The following LRRC69 variants were observed in gnomAD, a reference collection of about 807,000 sequenced individuals.
The protein encoded by LRRC69 is leucine rich repeat containing 69.
A neutral mutation model predicts 37.8 loss-of-function variants in LRRC69; 42 were observed. That is an observed-to-expected ratio of 1.11 (90% CI 0.87 to 1.44). The LOEUF (loss-of-function observed/expected upper bound fraction) is 1.44, where lower values mean the gene tolerates loss of function less well. Among genes scored for constraint, LRRC69 ranks in the 40% most tolerant of loss-of-function variants. The pLI, the probability that LRRC69 is intolerant of heterozygous loss-of-function variation, is 0.00. For missense variants in LRRC69, 357 were observed against 401.9 expected (o/e 0.89, Z 0.96); for synonymous variants, 141 against 143.1 (o/e 0.99, Z 0.11).
chr8:91,216,503 G>C (rs146745668), intron 7 of LRRC69, among the ~76,000 whole-genome samples: 1 of 152,124 alleles, frequency 6.6e-6, no homozygotes, highest in East Asian at 1.9e-4. Flanking sequence ...TCTATTAATT[G>C]TTCAGGTTTC....
intron 5 of LRRC69, among the ~76,000 whole-genome samples, chr8:91,152,532 C>T (rs1209565916): frequency 6.6e-6 from 1 of 151,484 alleles, no homozygotes; most frequent in Non-Finnish European, 1.5e-5. Flanking sequence ...TTACTGTAGC[C>T]TTGTAGTATA....
chr8:91,218,560 C>A (rs752680554), intron 7 of LRRC69, among the ~76,000 whole-genome samples: 1 of 152,046 alleles, frequency 6.6e-6, no homozygotes, highest in African/African-American at 2.4e-5. Flanking sequence ...ATTTAATACC[C>A]CTGAAGGACA....
intron 6 of LRRC69, among the ~76,000 whole-genome samples, chr8:91,199,724 A>T (rs2130627669): frequency 6.6e-6 from 1 of 152,318 alleles, no homozygotes; most frequent in South Asian, 2.1e-4. Flanking sequence ...TGTAACATTT[A>T]TACAGGACTT....
chr8:91,122,372 A>G (rs1251263059), intron 1 of LRRC69, among the ~76,000 whole-genome samples: 3 of 152,044 alleles, frequency 2.0e-5, no homozygotes, highest in Admixed American at 6.6e-5. Flanking sequence ...AAGGGCAGGC[A>G]TGGTTACTGC....
chr8:91,193,407 G>T (rs1486641045), intron 6 of LRRC69, among the ~76,000 whole-genome samples: 21 of 141,550 alleles, frequency 1.5e-4, no homozygotes, highest in Admixed American at 9.4e-4. Flanking sequence ...AGCTTGATGG[G>T]GATGGCATTG....
At chr8:91,161,961 T>G (rs781026250) in intron 5 of LRRC69, among the ~76,000 whole-genome samples, 2 of 151,384 alleles carry the variant, frequency 1.3e-5, no homozygotes, top group Non-Finnish European at 3.0e-5. Context: ...GTGTTTCTGT[T>G]TTCATTTGTT....
At chr8:91,116,089 G>A (rs2130488689) in intron 1 of LRRC69, among the ~76,000 whole-genome samples, 1 of 152,052 alleles carries the variant, frequency 6.6e-6, no homozygotes, top group South Asian at 2.1e-4. Flanking sequence ...AAATAAGCAG[G>A]TTTTAAATTT....
intron 2 of LRRC69, among the ~76,000 whole-genome samples, chr8:91,126,822 G>T (rs913889283): frequency 6.6e-6 from 1 of 152,016 alleles, no homozygotes; most frequent in Admixed American, 6.6e-5. Flanking sequence ...ACATTCTCAG[G>T]TTCTGGGTGC....
chr8:91,155,316 A>G (rs1215401657), intron 5 of LRRC69, among the ~76,000 whole-genome samples: 1 of 151,140 alleles, frequency 6.6e-6, no homozygotes, highest in East Asian at 1.9e-4. Flanking sequence ...TTTCTATTAC[A>G]TACCTCCATC....
At chr8:91,151,353 C>T (rs984743275) in intron 5 of LRRC69, among the ~76,000 whole-genome samples, 7 of 151,776 alleles carry the variant, frequency 4.6e-5, no homozygotes, top group African/African-American at 1.4e-4. Context: ...ACCCAGTAGT[C>T]ATTCAGGAGC....
chr8:91,133,173 T>C (rs1384757386), exon 4 of LRRC69: 1 of 1,543,460 alleles, frequency 6.5e-7, no homozygotes, highest in South Asian at 1.2e-5. Flanking sequence ...CTAGAGAACT[T>C]TGTTTTCTTG....
intron 5 of LRRC69, among the ~76,000 whole-genome samples, chr8:91,162,553 CTAATG>C (rs1808963705): frequency 6.6e-6 from 1 of 151,266 alleles, no homozygotes; most frequent in African/African-American, 2.4e-5. Context: ...TCTGTTTCAT[CTAATG>C]TAAGTATAGT....
intron 5 of LRRC69, among the ~76,000 whole-genome samples, chr8:91,177,837 G>C (rs1241263500): frequency 7.1e-6 from 1 of 141,428 alleles, no homozygotes; most frequent in Non-Finnish European, 1.5e-5. Flanking sequence ...AATACTAAAT[G>C]TTTTCTGCTT....
At chr8:91,132,786 C>T (rs2130514626) in intron 3 of LRRC69, among the ~76,000 whole-genome samples, 1 of 152,018 alleles carries the variant, frequency 6.6e-6, no homozygotes, top group African/African-American at 2.4e-5. Context: ...CCGTGTTCTC[C>T]TTGTCCTCTA....
At chr8:91,199,290 A>G (rs976557274) in intron 6 of LRRC69, among the ~76,000 whole-genome samples, 9 of 152,228 alleles carry the variant, frequency 5.9e-5, no homozygotes, top group African/African-American at 2.2e-4. Flanking sequence ...TATTAGTGTG[A>G]AAGCATGACC....
intron 5 of LRRC69, among the ~76,000 whole-genome samples, chr8:91,177,852 T>TC (rs886178535): frequency 1.4e-5 from 2 of 147,004 alleles, no homozygotes; most frequent in Admixed American, 6.8e-5. Context: ...CTGCTTTTCT[T>TC]TTTTTTTTTT....
At chr8:91,204,521 C>G (rs190861956) in intron 7 of LRRC69, among the ~76,000 whole-genome samples, 1 of 152,288 alleles carries the variant, frequency 6.6e-6, no homozygotes, top group African/African-American at 2.4e-5. Context: ...CTCTGTCAGT[C>G]TGCTTCTTGG....
chr8:91,138,574 A>G (rs1048253881), intron 5 of LRRC69, among the ~76,000 whole-genome samples: 2 of 150,552 alleles, frequency 1.3e-5, no homozygotes, highest in Non-Finnish European at 2.9e-5. Context: ...TGAAATTCAC[A>G]TGGCATTTGA....
At chr8:91,140,220 T>C (rs2130527224) in intron 5 of LRRC69, among the ~76,000 whole-genome samples, 1 of 152,090 alleles carries the variant, frequency 6.6e-6, no homozygotes, top group East Asian at 1.9e-4. Flanking sequence ...CTATCTATCA[T>C]TGCACAATTT....
Sources: gnomAD v4.1 joint callset for allele counts (sites outside exome capture counted in the v4.1 genomes callset) on GRCh38, gnomAD v4.1.1 for gene constraint, MANE v1.5 for transcripts, NCBI Gene and HGNC (gene_info 2026-07-23, HGNC 2026-07-21) for gene names.